CERS3: variants seen among roughly 807,000 people sequenced by gnomAD.
CERS3 encodes ceramide synthase 3, also known as LAG1 homolog, ceramide synthase 3.
Under a neutral mutation model 50.3 loss-of-function variants are expected in CERS3, and 33 were observed. That is an observed-to-expected ratio of 0.66 (90% confidence interval 0.50 to 0.88). CERS3 has a LOEUF of 0.88. Among genes scored for constraint, CERS3 ranks in the 40% least tolerant of loss-of-function variants. The probability of loss-of-function intolerance (pLI) is 0.00; values close to 1 mark genes in which losing one functional copy is unlikely to be tolerated. For synonymous variants in CERS3, 176 were observed against 155.2 expected, an observed-to-expected ratio of 1.13 and a Z score of -0.99; for missense variants, 470 against 460.3, an observed-to-expected ratio of 1.02 and a Z score of -0.19.
intron 9 of CERS3, 26 bp from the exon 10 acceptor site, chr15:100,469,510 T>C (rs371975349): frequency 6.8e-7 from 1 of 1,461,102 alleles, no homozygotes; most frequent in South Asian, 1.2e-5. Flanking sequence ...AAACTGCAGA[T>C]AAAGTGACAA....
chr15:100,482,470 G>A (rs895537578), intron 5 of CERS3, among the ~76,000 whole-genome samples: 13 of 152,118 alleles, frequency 8.5e-5, no homozygotes, highest in Non-Finnish European at 1.2e-4. Flanking sequence ...CCACCCAGCC[G>A]GGGAGAGCCC....
intron 2 of CERS3, among the ~76,000 whole-genome samples, chr15:100,517,586 A>G (rs2036526945): frequency 1.3e-5 from 2 of 152,196 alleles, no homozygotes; most frequent in South Asian, 2.1e-4. Flanking sequence ...GCCCACAGAT[A>G]AAGAGGAAGC....
At chr15:100,473,705 C>T (rs1235173391) in intron 8 of CERS3, among the ~76,000 whole-genome samples, 2 of 152,200 alleles carry the variant, frequency 1.3e-5, no homozygotes. Flanking sequence ...GGTAGGGATG[C>T]AAAATGGTGT....
chr15:100,533,600 C>T (rs1483293835), upstream of CERS3, among the ~76,000 whole-genome samples: 4 of 141,868 alleles, frequency 2.8e-5, no homozygotes, highest in East Asian at 8.0e-4. Flanking sequence ...CTCTGTCACC[C>T]AGGCTGCAGT....
chr15:100,490,793 G>T (rs370813257), intron 4 of CERS3, 24 bp downstream of exon 4: 2 of 1,443,332 alleles, frequency 1.4e-6, no homozygotes, highest in African/African-American at 2.8e-5. Context: ...TTTTTAAGTC[G>T]AAAAGCAAAG....
chr15:100,497,013 G>A lies in CERS3; in HGVS notation c.173+4664C>T, dbSNP rs185037492. ...CCCCAGATGTACACAGAGCAATGTG[G>A]AGAGATCATAAAACATAGTGCTAAA... On this transcript the variant is annotated intron_variant, in intron 3 of 11. Transcript: ENST00000679737. 4.6e-5 allele frequency among the ~76,000 whole-genome samples: 7 copies of A among 152,186 alleles called. No homozygotes were observed. The East Asian group carries it at 1.4e-3, about 29-fold the overall frequency.
At chr15:100,486,509 G>T (rs1032503915) in intron 4 of CERS3, among the ~76,000 whole-genome samples, 2 of 152,232 alleles carry the variant, frequency 1.3e-5, no homozygotes, top group Non-Finnish European at 2.9e-5. Context: ...CAGTGCTAGA[G>T]ATTTTGATGA....
intron 11 of CERS3, among the ~76,000 whole-genome samples, chr15:100,447,100 C>T (rs1232086080): frequency 2.0e-5 from 3 of 152,160 alleles, no homozygotes; most frequent in African/African-American, 7.2e-5. Flanking sequence ...CGGAGAATCA[C>T]CTTTCCTTTC....
chr15:100,408,231 C>A (rs74038761), intron 11 of CERS3, among the ~76,000 whole-genome samples: 1 of 152,132 alleles, frequency 6.6e-6, no homozygotes, highest in African/African-American at 2.4e-5. Flanking sequence ...AGTCCTGGAA[C>A]CAATCCCCCA....
intron 2 of CERS3, among the ~76,000 whole-genome samples, chr15:100,518,893 G>C (rs2142379167): frequency 1.3e-5 from 2 of 152,300 alleles, no homozygotes; most frequent in South Asian, 4.1e-4. Context: ...GCTGGGTGTG[G>C]TGGCTCATGC....
chr15:100,458,093 C>A (rs1426696460), intron 10 of CERS3, among the ~76,000 whole-genome samples: 1 of 152,118 alleles, frequency 6.6e-6, no homozygotes, highest in African/African-American at 2.4e-5. Flanking sequence ...TAAATTGTAA[C>A]TATTTATAAG....
chr15:100,506,040 G>T lies in CERS3; in HGVS notation c.-1-4190C>A, dbSNP rs966548873. ...CTCTGTGAGCCTATGGGGTGTCTTTGTGAGCCATCGGGTCTGAGAGACCCT... is the reference window on the plus strand; with the variant it reads ...CTCTGTGAGCCTATGGGGTGTCTTTTTGAGCCATCGGGTCTGAGAGACCCT... On this transcript the variant is annotated intron_variant, in intron 2 of 11. Coordinates refer to ENST00000679737, the MANE Select transcript of CERS3 (RefSeq NM_001378789.1). 3.3e-5 allele frequency among the ~76,000 whole-genome samples: 5 copies of T among 151,892 alleles called. No individual in the cohort carries two copies. In the South Asian group the frequency reaches 6.2e-4, roughly 19 times the overall value.
upstream of CERS3, among the ~76,000 whole-genome samples, chr15:100,529,458 A>G (rs1018613394): frequency 4.6e-5 from 7 of 152,238 alleles, no homozygotes; most frequent in African/African-American, 1.7e-4. Context: ...AAAAAATACA[A>G]TAGTCTGGCA....
chr15:100,513,630 TG>T (rs1378345640), intron 2 of CERS3, among the ~76,000 whole-genome samples: 1 of 151,768 alleles, frequency 6.6e-6, no homozygotes, highest in Non-Finnish European at 1.5e-5. Flanking sequence ...CTTGACTTTC[TG>T]GGTTCAAGCA....
intron 7 of CERS3, among the ~76,000 whole-genome samples, chr15:100,478,812 G>A (rs1177161925): frequency 6.6e-6 from 1 of 152,050 alleles, no homozygotes; most frequent in Non-Finnish European, 1.5e-5. Context: ...TCTTCAGACA[G>A]GAGGATAATA....
At chr15:100,519,903 C>A (rs932353634) in intron 2 of CERS3, among the ~76,000 whole-genome samples, 1 of 152,214 alleles carries the variant, frequency 6.6e-6, no homozygotes, top group Non-Finnish European at 1.5e-5. Context: ...TCAGGAGCAG[C>A]CCCACCCTTA....
At chr15:100,416,793 G>T (rs2031946354) in intron 11 of CERS3, among the ~76,000 whole-genome samples, 1 of 152,106 alleles carries the variant, frequency 6.6e-6, no homozygotes, top group African/African-American at 2.4e-5. Context: ...AATTTGAGAT[G>T]AGATTTGAGT....
At chr15:100,532,493 C>T (rs962939639), upstream of CERS3, among the ~76,000 whole-genome samples, 3 of 152,096 alleles carry the variant, frequency 2.0e-5, no homozygotes, top group South Asian at 2.1e-4. Flanking sequence ...CTGCCAGGTG[C>T]GATGGCTCAT....
At chr15:100,446,275 T>G (rs1164902940) in intron 11 of CERS3, among the ~76,000 whole-genome samples, 1 of 152,156 alleles carries the variant, frequency 6.6e-6, no homozygotes, top group Non-Finnish European at 1.5e-5. Flanking sequence ...TGAAAGTTTT[T>G]TTTTTTTGGC....
Sources: gnomAD v4.1 joint callset for allele counts (sites outside exome capture counted in the v4.1 genomes callset) on GRCh38, gnomAD v4.1.1 for gene constraint, MANE v1.5 for transcripts, NCBI Gene and HGNC (gene_info 2026-07-23, HGNC 2026-07-21) for gene names.